ARHGEF10L: variants seen among roughly 807,000 people sequenced by gnomAD.
The protein encoded by ARHGEF10L is rho guanine nucleotide exchange factor 10-like protein.
A neutral mutation model predicts 141.2 loss-of-function variants in ARHGEF10L; 69 were observed. That is an observed-to-expected ratio of 0.49 (90% confidence interval 0.40 to 0.60). ARHGEF10L has a LOEUF of 0.60. ARHGEF10L is among the 20% of genes least tolerant of loss of function. The probability of loss-of-function intolerance (pLI) is 0.00; values close to 1 mark genes in which losing one functional copy is unlikely to be tolerated. For synonymous variants in ARHGEF10L, 711 were observed against 718.5 expected (o/e 0.99, Z 0.17); for missense variants, 1,482 against 1,734.3 (o/e 0.85, Z 2.58).
rs2078109505 is a variant in ARHGEF10L at position 17,573,836 on chromosome 1, G to C, written c.-43-6717G>C. 6.6e-6 allele frequency among the ~76,000 whole-genome samples: 1 copy of C among 151,034 alleles called. No individual in the cohort carries two copies. Among genetic ancestry groups the C allele is most frequent in the South Asian group, 2.1e-4 (1 of 4,744 alleles). On this transcript the variant is annotated intron_variant, in intron 1 of 28. Coordinates refer to ENST00000361221, the MANE Select transcript of ARHGEF10L (RefSeq NM_018125.4). The surrounding 1 kb of genome is among the most constrained non-coding windows in gnomAD (Gnocchi z 4.8). Reference sequence around the variant, plus strand: ...GGGGCTCCCTAGGAGGTCAGTGCGGGAGGGTGGGTGCCACCGACTCTGGGC... The same window carrying C: ...GGGGCTCCCTAGGAGGTCAGTGCGGCAGGGTGGGTGCCACCGACTCTGGGC...
rs968414299 is a variant in ARHGEF10L at position 17,654,374 on chromosome 1, T to C, written c.2395-262T>C. On this transcript the variant is annotated intron_variant, in intron 22 of 28. Transcript: ENST00000361221. This position sits in a 1 kb window ranked among gnomAD's most constrained non-coding sequence, Gnocchi z 4.3. ...CTTTCAAGAAATCTTATCTGAAAGC[T>C]GCTCACTTTCAGAGACCCTGGGCTG... is the stretch of plus-strand genomic sequence containing the variant. 2.0e-5 allele frequency among the ~76,000 whole-genome samples: 3 copies of C among 152,204 alleles called. No homozygotes were observed. In the South Asian group the frequency reaches 6.2e-4, roughly 32 times the overall value.
chr1:17,690,442 A>AT (rs2065018684), intron 27 of ARHGEF10L, among the ~76,000 whole-genome samples: 1 of 152,198 alleles, frequency 6.6e-6, no homozygotes, highest in Non-Finnish European at 1.5e-5. Context: ...TGATGGTGAC[A>AT]TTTTGCCGTC....
intron 1 of ARHGEF10L, among the ~76,000 whole-genome samples, chr1:17,557,189 G>A (rs978634405): frequency 4.0e-5 from 6 of 151,444 alleles, no homozygotes; most frequent in East Asian, 1.9e-4. Flanking sequence ...CTAAAAATAC[G>A]AAAATTAGCT....
intron 9 of ARHGEF10L, chr1:17,618,177 A>G (rs2059909892): frequency 4.4e-6 from 3 of 675,162 alleles, no homozygotes; most frequent in Non-Finnish European, 7.2e-6. Flanking sequence ...AAGACAGGAT[A>G]ACGTGGCCAG....
chr1:17,656,494 G>T lies in ARHGEF10L; in HGVS notation c.2706-60G>T, dbSNP rs2062265148. On this transcript the variant is annotated intron_variant, in intron 24 of 28. Transcript: ENST00000361221. This position sits in a 1 kb window ranked among gnomAD's most constrained non-coding sequence, Gnocchi z 4.9. ...GCCCTCTCCCTAGGAGGGCATGGGG[G>T]CAGTGAGTGGGTGGGAGTGCTCAGT... is the stretch of plus-strand genomic sequence containing the variant. 4.5e-6 allele frequency: 7 copies of T among 1,561,666 alleles called. No individual in the cohort carries two copies. Among genetic ancestry groups the T allele is most frequent in the African/African-American group, 1.3e-5 (1 of 74,336 alleles).
intron 26 of ARHGEF10L, among the ~76,000 whole-genome samples, chr1:17,686,472 G>T (rs1302096560): frequency 6.6e-6 from 1 of 152,212 alleles, no homozygotes; most frequent in East Asian, 1.9e-4. Context: ...AGGTATTCCA[G>T]GCTAGACAGC....
chr1:17,688,023 G>A (rs1207054553), intron 27 of ARHGEF10L, among the ~76,000 whole-genome samples: 1 of 152,190 alleles, frequency 6.6e-6, no homozygotes, highest in Non-Finnish European at 1.5e-5. Context: ...CCAAAGTCAG[G>A]CAGCTGCTAA....
chr1:17,542,901 C>T (rs963441847), intron 1 of ARHGEF10L, among the ~76,000 whole-genome samples: 2 of 152,180 alleles, frequency 1.3e-5, no homozygotes, highest in Non-Finnish European at 2.9e-5. Context: ...GTCTCCAGTG[C>T]CTTTTGTATT....
chr1:17,680,887 G>T (rs1239910587), intron 26 of ARHGEF10L, among the ~76,000 whole-genome samples: 1 of 151,494 alleles, frequency 6.6e-6, no homozygotes, highest in African/African-American at 2.4e-5. Context: ...GGGTTCAAGC[G>T]ATTCTCCTGC....
chr1:17,678,918 G>A (rs1302074577), intron 26 of ARHGEF10L, among the ~76,000 whole-genome samples: 2 of 152,184 alleles, frequency 1.3e-5, no homozygotes. Flanking sequence ...GTAGGCAAGG[G>A]TGATTTATAG....
chr1:17,621,038 G>C lies in ARHGEF10L; in HGVS notation c.943-826G>C, dbSNP rs1030669434. 1.3e-5 allele frequency among the ~76,000 whole-genome samples: 2 copies of C among 152,130 alleles called. No homozygotes were observed. Among genetic ancestry groups the C allele is most frequent in the Non-Finnish European group, 2.9e-5 (2 of 68,022 alleles). On this transcript the variant is annotated intron_variant, in intron 10 of 28. Transcript: ENST00000361221. The surrounding 1 kb of genome is among the most constrained non-coding windows in gnomAD (Gnocchi z 4.1). Reference sequence around the variant, plus strand: ...TGAGGGGTTGTGATCCACTCCGTGGGCCAGGCTTCTGGAGGGTTACGGTGA... The same window carrying C: ...TGAGGGGTTGTGATCCACTCCGTGGCCCAGGCTTCTGGAGGGTTACGGTGA...
rs12563183 is a variant in ARHGEF10L, at chr1:17,636,752, A to C, written c.1928-1136A>C. 8.5e-4 allele frequency among the ~76,000 whole-genome samples: 129 copies of C among 152,106 alleles called. 2 individuals carry two copies. In the East Asian group the frequency reaches 0.018, roughly 21 times the overall value. ...ATCAGGCAGCAGAGTGTGGCTTTAA[A>C]CTCATTCCACACAGGTGACTCAGAT... On this transcript the variant is annotated intron_variant, in intron 18 of 28. Coordinates refer to ENST00000361221, the MANE Select transcript of ARHGEF10L (RefSeq NM_018125.4).
chr1:17,690,493 G>A lies in ARHGEF10L; in HGVS notation c.3184+2746G>A, dbSNP rs1280006859. On this transcript the variant is annotated intron_variant, in intron 27 of 28. Transcript: ENST00000361221. ...TACCCGCCCTGCATCTCCTGCGAGGGCTCCTTGCCCCTCCTAAGACCCTCC... is the reference window on the plus strand; with the variant it reads ...TACCCGCCCTGCATCTCCTGCGAGGACTCCTTGCCCCTCCTAAGACCCTCC... 2.0e-5 allele frequency among the ~76,000 whole-genome samples: 3 copies of A among 152,274 alleles called. No homozygotes were observed. In the East Asian group the frequency reaches 5.8e-4, roughly 29 times the overall value.
chr1:17,563,890 A>G (rs2077641844), intron 1 of ARHGEF10L, among the ~76,000 whole-genome samples: 1 of 152,080 alleles, frequency 6.6e-6, no homozygotes, highest in African/African-American at 2.4e-5. Context: ...GTCGTCTGAG[A>G]GCGTCTGATT....
intron 2 of ARHGEF10L, among the ~76,000 whole-genome samples, chr1:17,585,181 C>T (rs72921040): frequency 0.014 from 2,115 of 152,258 alleles, 44 homozygotes; most frequent in African/African-American, 0.048. Context: ...TTGGGAACTG[C>T]GTCCGAAAAC....
chr1:17,550,380 C>T (rs2077066574), intron 1 of ARHGEF10L, among the ~76,000 whole-genome samples: 1 of 151,100 alleles, frequency 6.6e-6, no homozygotes, highest in African/African-American at 2.4e-5. Context: ...CAGTGGCTCA[C>T]GCCTGTAATC....
intron 26 of ARHGEF10L, among the ~76,000 whole-genome samples, chr1:17,675,167 A>T (rs554845829): frequency 6.6e-6 from 1 of 152,122 alleles, no homozygotes; most frequent in Non-Finnish European, 1.5e-5. Flanking sequence ...GGTCGCATCA[A>T]TTCTGACCTT....
At chr1:17,671,680 A>G (rs1046328416) in intron 26 of ARHGEF10L, among the ~76,000 whole-genome samples, 2 of 152,172 alleles carry the variant, frequency 1.3e-5, no homozygotes, top group African/African-American at 4.8e-5. Context: ...CCCCTCCCCC[A>G]TTAGACCCGG....
chr1:17,617,245 T>A (rs1351786923), intron 9 of ARHGEF10L, among the ~76,000 whole-genome samples: 2 of 152,206 alleles, frequency 1.3e-5, no homozygotes, highest in Non-Finnish European at 2.9e-5. Context: ...TCAGATTTGA[T>A]CAATTGATCA....
Sources: gnomAD v4.1 joint callset for allele counts (sites outside exome capture counted in the v4.1 genomes callset) on GRCh38, gnomAD v4.1.1 for gene constraint, Gnocchi (gnomAD v3.1) non-coding constraint, MANE v1.5 for transcripts, NCBI Gene and HGNC (gene_info 2026-07-23, HGNC 2026-07-21) for gene names.